Variants in SMYD1 observed in about 807,000 individuals in gnomAD.
SMYD1 encodes the protein SET and MYND domain containing 1.
In SMYD1, 49 loss-of-function variants were observed where a neutral mutation model predicts 54.0. The ratio of observed to expected loss-of-function variants is 0.91; its 90% CI spans 0.72 to 1.15. SMYD1 has a LOEUF of 1.15. Ranked by LOEUF, SMYD1 falls within the 50% of genes most tolerant of loss-of-function variation. The pLI is 0.00. For synonymous variants in SMYD1, 269 were observed against 234.2 expected (o/e 1.15, Z -1.36); for missense variants, 653 against 639.6 (o/e 1.02, Z -0.23).
chr2:88,103,181 G>T (rs781686578), intron 7 of SMYD1, 31 bp downstream of exon 7: 2 of 1,573,008 alleles, frequency 1.3e-6, no homozygotes, highest in South Asian at 1.1e-5. Flanking sequence ...GAGGATGGGG[G>T]TAGAAAGGAG....
chr2:88,091,712 A>AAG (rs1674466544), intron 4 of SMYD1, among the ~76,000 whole-genome samples: 2 of 152,066 alleles, frequency 1.3e-5, no homozygotes, highest in Non-Finnish European at 2.9e-5. Context: ...ATAAATAAAT[A>AAG]CATTAGCCGG....
Position 88,087,961 on chromosome 2 carries a change from C to A in SMYD1, c.414C>A (p.His138Gln). The A allele has an allele frequency of 6.2e-7, 1 of 1,614,118 alleles. No homozygotes were observed. The highest frequency in any genetic ancestry group is 8.5e-7 in the Non-Finnish European group (1 of 1,180,004). ...SVDDLQNHVE[H>Q]FGEEEQKDLR... ...ACGACTTGCAGAACCACGTGGAGCA[C>A]TTTGGGGAGGAGGAGCAGAAGGACC... is the stretch of plus-strand genomic sequence containing the variant. Residue 138 changes from histidine (H) to glutamine (Q), a missense_variant, in exon 3 of 10, where the codon CAC becomes CAA. Coordinates refer to ENST00000419482, the MANE Select transcript of SMYD1 (RefSeq NM_198274.4).
chr2:88,091,007 G>A lies in SMYD1; in HGVS notation c.529-5G>A, dbSNP rs1201867799. 1 of 1,611,828 alleles carries A rather than the reference G, an allele frequency of 6.2e-7. No homozygotes were observed. The highest frequency in any genetic ancestry group is 1.7e-5 in the Admixed American group (1 of 59,790). On this transcript the variant is annotated splice_polypyrimidine_tract_variant and splice_region_variant and intron_variant, in intron 3 of 9. Coordinates refer to ENST00000419482, the MANE Select transcript of SMYD1 (RefSeq NM_198274.4). The stretch of plus-strand genomic sequence containing the variant: ...ACTGACTCTTTCATCTTTTCCCCTG[G>A]GTAGATTAACTGCAACGGTTTTACT...
At chr2:88,096,184 A>G (rs1334627870) in intron 5 of SMYD1, among the ~76,000 whole-genome samples, 1 of 152,206 alleles carries the variant, frequency 6.6e-6, no homozygotes, top group African/African-American at 2.4e-5. Context: ...GTAGTCCCCA[A>G]ACTAACCAGA....
At chr2:88,073,969 G>T (rs1444761195) in intron 1 of SMYD1, among the ~76,000 whole-genome samples, 1 of 151,972 alleles carries the variant, frequency 6.6e-6, no homozygotes, top group South Asian at 2.1e-4. Context: ...TACCTAGCTC[G>T]ATGCACATAA....
Position 88,088,108 on chromosome 2 carries a change from T to C in SMYD1, c.528+33T>C, listed in dbSNP as rs756217349. On this transcript the variant is annotated intron_variant, in intron 3 of 9. Coordinates refer to ENST00000419482, the MANE Select transcript of SMYD1 (RefSeq NM_198274.4). ...CCCTGCGTCCCTTCTCCATCCTCCC[T>C]GTCTGTCTCCTCTTTCCTTCCCTCC... 5 of 1,571,630 alleles carry C rather than the reference T, an allele frequency of 3.2e-6. No homozygotes were observed. In the South Asian group the frequency reaches 3.6e-5, roughly 11 times the overall value.
At chr2:88,106,222 C>A (rs1674864147) in intron 7 of SMYD1, 103 bp from the exon 8 acceptor site, 1 of 1,471,724 alleles carries the variant, frequency 6.8e-7, no homozygotes, top group African/African-American at 1.4e-5. Flanking sequence ...TTGCCCCAGT[C>A]TTAAAAAGAA....
At chr2:88,085,080 A>G (rs1674292174) in intron 2 of SMYD1, among the ~76,000 whole-genome samples, 1 of 152,108 alleles carries the variant, frequency 6.6e-6, no homozygotes, top group African/African-American at 2.4e-5. Flanking sequence ...TTGATCCACC[A>G]ATGTTTAAAA....
At chr2:88,086,275 T>C (rs1215664132) in intron 2 of SMYD1, among the ~76,000 whole-genome samples, 1 of 152,100 alleles carries the variant, frequency 6.6e-6, no homozygotes, top group Non-Finnish European at 1.5e-5. Flanking sequence ...AAAATTTCAA[T>C]TAAAAAAAAT....
intron 3 of SMYD1, 45 bp downstream of exon 3, chr2:88,088,120 C>T (rs754359800): frequency 1.3e-6 from 2 of 1,539,220 alleles, no homozygotes; most frequent in South Asian, 2.5e-5. Flanking sequence ...TCTGTCTCCT[C>T]TTTCCTTCCC....
At chr2:88,106,214 G>A in intron 7 of SMYD1, 111 bp from the exon 8 acceptor site, 5 of 1,402,222 alleles carry the variant, frequency 3.6e-6, no homozygotes, top group Non-Finnish European at 4.9e-6. Flanking sequence ...GTCAGCAATT[G>A]CCCCAGTCTT....
rs1043370870 is a variant in SMYD1, at chr2:88,111,681, A to G, written c.*1169A>G. The G allele has an allele frequency of 6.4e-5, 12 of 187,156 alleles. No individual in the cohort carries two copies. The highest frequency in any genetic ancestry group is 5.8e-4 in the Admixed American group (11 of 18,824). The allele number at this position is 187,156 out of a possible 1,614,324, so 11.6% of individuals were successfully genotyped here. A position where few individuals can be genotyped will look rare whatever the true frequency, so the allele number is the denominator to read the frequency against. On this transcript the variant is annotated 3_prime_UTR_variant, in exon 10 of 10. Coordinates refer to ENST00000419482, the MANE Select transcript of SMYD1 (RefSeq NM_198274.4). ...CCCTGTTCAGAGGTGTGGCCAATTT[A>G]TCCCGATCTCCTGGAAGGCTGTTGT...
At chr2:88,084,282 C>T (rs1674267577) in intron 1 of SMYD1, 34 bp from the exon 2 acceptor site, 3 of 1,534,586 alleles carry the variant, frequency 2.0e-6, no homozygotes, top group Admixed American at 3.4e-5. Flanking sequence ...TTCCACTGTG[C>T]TCCCAATCAT....
At chr2:88,084,572 C>G (rs1674278988) in intron 2 of SMYD1, 80 bp downstream of exon 2, 1 of 1,371,604 alleles carries the variant, frequency 7.3e-7, no homozygotes, top group Admixed American at 2.1e-5. Context: ...ATTCCCAGAT[C>G]TAAGGAAGCC....
At chr2:88,075,694 T>G in intron 1 of SMYD1, among the ~76,000 whole-genome samples, 1 of 151,914 alleles carries the variant, frequency 6.6e-6, no homozygotes, top group East Asian at 1.9e-4. Context: ...CCTGCCACCA[T>G]GGCTGGCTAC....
chr2:88,106,473 T>C lies in SMYD1; in HGVS notation c.1130T>C (p.Met377Thr), dbSNP rs529842321. ...GAGGCCTCGTTCTATGCCAGGAGGA[T>C]GGTGGACGGCTATATGTAGGTGACG... is the stretch of plus-strand genomic sequence containing the variant. ...FEEASFYARR[M>T]VDGYMKLYHP... The change falls in exon 8 of 10, where the codon ATG (methionine) becomes ACG (threonine). Residue 377 changes from methionine (M) to threonine (T), a missense_variant. Physicochemically the swap from Met to Thr is moderately conservative, Grantham distance 81 (BLOSUM62 -1). Coordinates refer to ENST00000419482, the MANE Select transcript of SMYD1 (RefSeq NM_198274.4). 12 of 1,613,912 alleles carry C rather than the reference T, an allele frequency of 7.4e-6. No individual in the cohort carries two copies. Among genetic ancestry groups the C allele is most frequent in the Non-Finnish European group, 1.0e-5 (12 of 1,179,942 alleles).
At position 88,110,878 on chromosome 2, in the gene SMYD1, A is replaced by C. The variant is rs1328464331; in HGVS notation, c.*366A>C. The C allele has an allele frequency of 5.7e-6, 1 of 176,232 alleles. No individual in the cohort carries two copies. Among genetic ancestry groups the C allele is most frequent in the Non-Finnish European group, 1.2e-5 (1 of 84,066 alleles). The allele number at this position is 176,232 out of a possible 1,614,324, so 10.9% of individuals were successfully genotyped here. The stretch of plus-strand genomic sequence containing the variant: ...ATATGGAGGAGGGTGCAGAGGAGGG[A>C]ATGTGTCTGGTGTGTGATGTGTGTG... On this transcript the variant is annotated 3_prime_UTR_variant, in exon 10 of 10. Coordinates refer to ENST00000419482, the MANE Select transcript of SMYD1 (RefSeq NM_198274.4).
rs1009806364 is a variant in SMYD1, at chr2:88,080,533, C to CA, written c.138-3781dup. Among the ~76,000 whole-genome samples, 25 of 152,312 alleles carry CA rather than the reference C, an allele frequency of 1.6e-4. 1 individual carries two copies. The highest frequency in any genetic ancestry group is 6.0e-4 in the African/African-American group (25 of 41,574). On this transcript the variant is annotated intron_variant, in intron 1 of 9. Coordinates refer to ENST00000419482, the MANE Select transcript of SMYD1 (RefSeq NM_198274.4). ...CTTGGAACAGACAGGCATGGAGTTA[C>CA]AAGTGGCAGGTTACAAGGGACAGAC... is the stretch of plus-strand genomic sequence containing the variant.
chr2:88,112,156 G>A lies in SMYD1; in HGVS notation c.*1644G>A, dbSNP rs774059828. The A allele has an allele frequency of 1.1e-4, 79 of 703,270 alleles. No individual in the cohort carries two copies. The highest frequency in any genetic ancestry group is 4.0e-4 in the South Asian group (27 of 67,584). The allele number at this position is 703,270 out of a possible 1,614,324, so 43.6% of individuals were successfully genotyped here. On this transcript the variant is annotated 3_prime_UTR_variant, in exon 10 of 10. Coordinates refer to ENST00000419482, the MANE Select transcript of SMYD1 (RefSeq NM_198274.4). The stretch of plus-strand genomic sequence containing the variant: ...GCCCCCACATCACAGGCTTAGGGAC[G>A]GCACTAACTTTCTCCCAGGGATCTA...
Sources: allele counts gnomAD v4.1 joint callset (sites outside exome capture counted in the v4.1 genomes callset), GRCh38; gene constraint gnomAD v4.1.1; transcripts MANE v1.5; gene names NCBI Gene and HGNC (gene_info 2026-07-23, HGNC 2026-07-21).